The following NMT2 variants were observed in gnomAD, a reference collection of about 807,000 sequenced individuals.
The protein encoded by NMT2 is N-myristoyltransferase 2.
NMT2 carries 35 observed loss-of-function variants against 65.4 expected under a neutral mutation model. The ratio of observed to expected loss-of-function variants is 0.54; its 90% CI spans 0.41 to 0.71. The LOEUF is 0.71. NMT2 is among the 30% of genes least tolerant of loss of function. The pLI is 0.00. For synonymous variants in NMT2, 226 were observed against 231.8 expected (o/e 0.98, Z 0.23); for missense variants, 489 against 611.3 (o/e 0.80, Z 2.11).
At chr10:15,151,059 C>CCTTTTTT (rs547076748) in intron 1 of NMT2, among the ~76,000 whole-genome samples, 2 of 139,894 alleles carry the variant, frequency 1.4e-5, no homozygotes, top group African/African-American at 5.4e-5. Flanking sequence ...TAGCTTCCTC[C>CCTTTTTT]TTTTTTTTTT....
At position 15,106,799 on chromosome 10, in the gene NMT2, A is replaced by G. The variant is rs1845318288; in HGVS notation, c.*2396T>C. ...GTAGTGTGAAGCAGCCATAGGCAAT[A>G]TGTAAATGAAAGTGGCTGTGGCCAA... On this transcript the variant is annotated 3_prime_UTR_variant, in exon 12 of 12. Transcript: ENST00000378165. 1.1e-5 allele frequency: 3 copies of G among 278,802 alleles called. No homozygotes were observed. The highest frequency in any genetic ancestry group is 1.6e-5 in the Non-Finnish European group (3 of 184,046). The allele number at this position is 278,802 out of a possible 1,614,324, so 17.3% of individuals were successfully genotyped here.
chr10:15,134,932 G>T (rs1283246444), intron 3 of NMT2, among the ~76,000 whole-genome samples: 5 of 152,154 alleles, frequency 3.3e-5, no homozygotes, highest in African/African-American at 1.2e-4. Flanking sequence ...GCTGCAGTGA[G>T]CTATGATCAT....
intron 1 of NMT2, among the ~76,000 whole-genome samples, chr10:15,153,932 G>A (rs775062196): frequency 7.9e-5 from 12 of 152,164 alleles, no homozygotes; most frequent in South Asian, 2.1e-4. Context: ...GATTACAGGC[G>A]TGAGCCGCCG....
chr10:15,146,595 G>A (rs1453490174), intron 1 of NMT2, among the ~76,000 whole-genome samples: 2 of 152,286 alleles, frequency 1.3e-5, no homozygotes, highest in East Asian at 3.9e-4. Context: ...ACATAGGTGA[G>A]AGCCCCAAGG....
At chr10:15,139,291 T>TCTAA (rs757319765) in intron 2 of NMT2, among the ~76,000 whole-genome samples, 4 of 147,474 alleles carry the variant, frequency 2.7e-5, no homozygotes, top group Non-Finnish European at 5.9e-5. Flanking sequence ...TATCTATCTA[T>TCTAA]CTATCCATCC....
chr10:15,161,908 G>T (rs965693274), intron 1 of NMT2, among the ~76,000 whole-genome samples: 23 of 152,104 alleles, frequency 1.5e-4, no homozygotes, highest in African/African-American at 4.8e-4. Flanking sequence ...TTAAATAGTG[G>T]TTAATTTTTT....
At position 15,160,829 on chromosome 10, in the gene NMT2, C is replaced by T. The variant is rs931439387; in HGVS notation, c.110+7674G>A. Among the ~76,000 whole-genome samples the T allele has an allele frequency of 2.0e-5, 3 of 151,846 alleles. No individual in the cohort carries two copies. The South Asian group carries it at 6.2e-4, about 32-fold the overall frequency. On this transcript the variant is annotated intron_variant, in intron 1 of 11. Coordinates refer to ENST00000378165, the MANE Select transcript of NMT2 (RefSeq NM_004808.3). ...CAGCATGTGAAAGGACATGGAAACC[C>T]TTTGGTAATAGAACAACAGGGAAAA...
In NMT2 at chr10:15,130,232, C is replaced by T. The variant is rs374682740; in HGVS notation, c.800G>A (p.Arg267Gln). The change falls in exon 7 of 12, where the codon CGA (arginine) becomes CAA (glutamine). Residue 267 changes from arginine (R) to glutamine (Q), a missense_variant. Arg to Gln is a conservative substitution (Grantham distance 43). Transcript: ENST00000378165. Reference protein sequence around the residue: ...RSKRVAPVLIREITRRVNLEG... With the variant: ...RSKRVAPVLIQEITRRVNLEG... ...CAGGTTCACTCTTCTAGTGATCTCT[C>T]GGATTAGCACTGGGGCTACCCGTTT... is the stretch of plus-strand genomic sequence containing the variant. The T allele has an allele frequency of 3.7e-6, 6 of 1,609,278 alleles. No homozygotes were observed. Among genetic ancestry groups the T allele is most frequent in the Admixed American group, 1.7e-5 (1 of 59,560 alleles).
rs1564574009 is a variant in NMT2 at position 15,135,192 on chromosome 10, T to TG, written c.391+81_391+82insC. The TG allele has an allele frequency of 3.3e-3, 4,071 of 1,247,900 alleles. 76 individuals carry two copies. In the African/African-American group the frequency reaches 0.053, roughly 16 times the overall value. The allele number at this position is 1,247,900 out of a possible 1,614,324, so 77.3% of individuals were successfully genotyped here. ...CATGTGAAGTTAACACTCTTTGTGT[T>TG]TTGTTGTTGTTGTTGTTGTTGTTGT... is the stretch of plus-strand genomic sequence containing the variant. On this transcript the variant is annotated intron_variant, in intron 3 of 11. Transcript: ENST00000378165.
rs188293293 is a variant in NMT2, at chr10:15,108,392, G to T, written c.*803C>A. ...AGTAGAGATGGGGTTTCACTATGTT[G>T]GCCAGAATGGTCTCGATCTCCTGAC... On this transcript the variant is annotated 3_prime_UTR_variant, in exon 12 of 12. Coordinates refer to ENST00000378165, the MANE Select transcript of NMT2 (RefSeq NM_004808.3). 1.8e-6 allele frequency: 1 copy of T among 562,364 alleles called. No homozygotes were observed. Among genetic ancestry groups the T allele is most frequent in the Non-Finnish European group, 2.3e-6 (1 of 444,428 alleles). The allele number at this position is 562,364 out of a possible 1,614,324, so 34.8% of individuals were successfully genotyped here.
At chr10:15,109,248 A>C in intron 11 of NMT2, 33 bp from the exon 12 acceptor site, 2 of 1,603,638 alleles carry the variant, frequency 1.2e-6, no homozygotes, top group Non-Finnish European at 1.7e-6. Flanking sequence ...ATAGTAAGAA[A>C]AATTAGATTG....
chr10:15,127,546 C>CAAAAAAAAAAAAAAAAAAAAA (rs1239422956), intron 8 of NMT2, among the ~76,000 whole-genome samples: 9 of 51,382 alleles, frequency 1.8e-4, no homozygotes, highest in Non-Finnish European at 3.2e-4. Context: ...GACTCCGTCT[C>CAAAAAAAAAAAAAAAAAAAAA]AAAAAAAAAA....
At chr10:15,138,520 T>G (rs1163987344) in intron 2 of NMT2, 2 of 470,038 alleles carry the variant, frequency 4.3e-6, no homozygotes, top group African/African-American at 4.0e-5. Flanking sequence ...CACTCCTATA[T>G]AAGAGGCAGG....
intron 1 of NMT2, among the ~76,000 whole-genome samples, chr10:15,148,705 C>A (rs114090002): frequency 5.3e-4 from 80 of 152,124 alleles, no homozygotes; most frequent in African/African-American, 1.9e-3. Context: ...AACATAAGAT[C>A]CATAAAACAG....
rs1392488327 is a variant in NMT2 at position 15,106,460 on chromosome 10, T to TCTTGAA, written c.*2729_*2734dup. 1.2e-5 allele frequency: 2 copies of TCTTGAA among 164,050 alleles called. No homozygotes were observed. Among genetic ancestry groups the TCTTGAA allele is most frequent in the Admixed American group, 1.3e-4 (2 of 15,304 alleles). 10.2% of individuals were successfully genotyped at this position (164,050 alleles called of 1,614,324 possible). A position where few individuals can be genotyped will look rare whatever the true frequency, so the allele number is the denominator to read the frequency against. ...TCCAGTGAATGAGGACTGTTTTGTTTCTTGAAGCCTTTCTCCTGTTAAGAA... is the reference window on the plus strand; with the variant it reads ...TCCAGTGAATGAGGACTGTTTTGTTTCTTGAACTTGAAGCCTTTCTCCTGTTAAGAA... On this transcript the variant is annotated 3_prime_UTR_variant, in exon 12 of 12. Coordinates refer to ENST00000378165, the MANE Select transcript of NMT2 (RefSeq NM_004808.3).
At chr10:15,105,756 C>T (rs1393415573), downstream of NMT2, among the ~76,000 whole-genome samples, 2 of 152,176 alleles carry the variant, frequency 1.3e-5, no homozygotes, top group Admixed American at 6.5e-5. Flanking sequence ...TTTAAATCTA[C>T]AAGAAACTAT....
intron 1 of NMT2, among the ~76,000 whole-genome samples, chr10:15,156,844 C>A (rs376362052): frequency 6.6e-6 from 1 of 151,582 alleles, no homozygotes; most frequent in Non-Finnish European, 1.5e-5. Context: ...TGCAGTGAGC[C>A]GAGATTGCGC....
intron 1 of NMT2, among the ~76,000 whole-genome samples, chr10:15,163,735 C>T (rs1330773584): frequency 2.0e-5 from 3 of 152,178 alleles, no homozygotes; most frequent in African/African-American, 4.8e-5. Context: ...AAGTCAGATA[C>T]AACAACATAG....
At chr10:15,135,047 T>C (rs1371352310) in intron 3 of NMT2, among the ~76,000 whole-genome samples, 8 of 152,152 alleles carry the variant, frequency 5.3e-5, no homozygotes, top group Non-Finnish European at 8.8e-5. Context: ...TTTATTGGGA[T>C]AGAAATTGGA....
Sources: allele counts gnomAD v4.1 joint callset (sites outside exome capture counted in the v4.1 genomes callset), GRCh38; gene constraint gnomAD v4.1.1; transcripts MANE v1.5; gene names NCBI Gene and HGNC (gene_info 2026-07-23, HGNC 2026-07-21).